The following CSGALNACT1 variants were observed in gnomAD, a reference collection of about 807,000 sequenced individuals.
CSGALNACT1 encodes the protein beta4GalNAcT-1.
Under a neutral mutation model 51.0 loss-of-function variants are expected in CSGALNACT1, and 52 were observed. The ratio of observed to expected loss-of-function variants is 1.02; its 90% CI spans 0.82 to 1.29. The LOEUF (loss-of-function observed/expected upper bound fraction) is 1.29, where lower values mean the gene tolerates loss of function less well. Ranked by LOEUF, CSGALNACT1 falls within the 50% of genes most tolerant of loss-of-function variation. The pLI is 0.00. For missense variants in CSGALNACT1, 935 were observed against 679.2 expected, an observed-to-expected ratio of 1.38 and a Z score of -4.19; for synonymous variants, 341 against 254.4, an observed-to-expected ratio of 1.34 and a Z score of -3.24.
chr8:19,406,763 C>T (rs1253804269), intron 9 of CSGALNACT1, among the ~76,000 whole-genome samples: 6 of 152,074 alleles, frequency 3.9e-5, no homozygotes, highest in Non-Finnish European at 7.4e-5. Context: ...AAACGAGGGG[C>T]TTGCAGTGCC....
chr8:19,667,044 AAAG>A (rs2059414793), intron 1 of CSGALNACT1, among the ~76,000 whole-genome samples: 2 of 56,948 alleles, frequency 3.5e-5, no homozygotes, highest in African/African-American at 1.2e-4. Context: ...AGGAAGGAAG[AAAG>A]AAAGAAAGAA....
intron 5 of CSGALNACT1, among the ~76,000 whole-genome samples, chr8:19,442,682 CA>C (rs1433531920): frequency 6.7e-6 from 1 of 148,256 alleles, no homozygotes; most frequent in Non-Finnish European, 1.5e-5. Flanking sequence ...AACAAACCTG[CA>C]CATTGTGCAC....
At chr8:19,458,889 C>T (rs1254846623) in intron 4 of CSGALNACT1, among the ~76,000 whole-genome samples, 1 of 152,084 alleles carries the variant, frequency 6.6e-6, no homozygotes, top group Admixed American at 6.5e-5. Context: ...ATGCTGGATA[C>T]AAACTGTATT....
At chr8:19,414,196 A>G (rs1197241974) in intron 8 of CSGALNACT1, among the ~76,000 whole-genome samples, 1 of 152,190 alleles carries the variant, frequency 6.6e-6, no homozygotes, top group Admixed American at 6.5e-5. Context: ...TTAAATATTT[A>G]CCAGCACATC....
chr8:19,506,176 C>T, intron 3 of CSGALNACT1, 46 bp from the exon 3 acceptor site: 1 of 512,748 alleles, frequency 2.0e-6, no homozygotes, highest in Middle Eastern at 5.7e-4. Flanking sequence ...AAGACAACGA[C>T]TCCCTCATGT....
chr8:19,449,627 A>G (rs996039685), intron 5 of CSGALNACT1, among the ~76,000 whole-genome samples: 1 of 152,228 alleles, frequency 6.6e-6, no homozygotes, highest in African/African-American at 2.4e-5. Flanking sequence ...GAGAACTGCT[A>G]TAGAAAATTC....
chr8:19,462,748 C>G (rs1458572941), intron 4 of CSGALNACT1, among the ~76,000 whole-genome samples: 1 of 152,168 alleles, frequency 6.6e-6, no homozygotes, highest in Non-Finnish European at 1.5e-5. Flanking sequence ...TTTCTCTATA[C>G]TCTGCTAATT....
intron 1 of CSGALNACT1, among the ~76,000 whole-genome samples, chr8:19,733,928 C>G (rs1409127117): frequency 6.6e-6 from 1 of 152,084 alleles, no homozygotes; most frequent in Non-Finnish European, 1.5e-5. Flanking sequence ...CCCAGGAGTG[C>G]AAGCCCAAAC....
upstream of CSGALNACT1, among the ~76,000 whole-genome samples, chr8:19,606,474 T>G (rs991608674): frequency 6.6e-6 from 1 of 152,218 alleles, no homozygotes; most frequent in Non-Finnish European, 1.5e-5. Context: ...ACAATATCCT[T>G]AACCACATTC....
chr8:19,689,324 C>G (rs781700139), intron 1 of CSGALNACT1, among the ~76,000 whole-genome samples: 2 of 152,152 alleles, frequency 1.3e-5, no homozygotes, highest in African/African-American at 2.4e-5. Flanking sequence ...GGAGAGGAAC[C>G]AGGACCCCGG....
intron 1 of CSGALNACT1, among the ~76,000 whole-genome samples, chr8:19,655,373 T>A (rs2058168482): frequency 6.6e-6 from 1 of 152,054 alleles, no homozygotes; most frequent in South Asian, 2.1e-4. Context: ...GTGTTATTTT[T>A]CTTTTGAGGT....
At chr8:19,523,799 A>G (rs1317029597) in intron 3 of CSGALNACT1, among the ~76,000 whole-genome samples, 1 of 152,198 alleles carries the variant, frequency 6.6e-6, no homozygotes, top group African/African-American at 2.4e-5. Context: ...TGGCAAGGAC[A>G]GTTCTAAAAA....
intron 4 of CSGALNACT1, among the ~76,000 whole-genome samples, chr8:19,501,699 G>A (rs1406256246): frequency 6.6e-6 from 1 of 152,240 alleles, no homozygotes; most frequent in Non-Finnish European, 1.5e-5. Flanking sequence ...TTGATGGGAT[G>A]ATGTCAAACT....
upstream of CSGALNACT1, chr8:19,682,687 G>A (rs1046342009): frequency 2.2e-6 from 1 of 454,076 alleles, no homozygotes; most frequent in Non-Finnish European, 4.4e-6. Context: ...CAAGTCTTGG[G>A]TTACTCACCT....
chr8:19,456,614 T>C (rs971060101), intron 5 of CSGALNACT1, among the ~76,000 whole-genome samples: 1 of 152,052 alleles, frequency 6.6e-6, no homozygotes, highest in African/African-American at 2.4e-5. Flanking sequence ...GCAAAAACAC[T>C]AAAAGAAGGT....
At chr8:19,745,886 A>T (rs150986086) in intron 1 of CSGALNACT1, among the ~76,000 whole-genome samples, 1 of 152,158 alleles carries the variant, frequency 6.6e-6, no homozygotes, top group South Asian at 2.1e-4. Flanking sequence ...ATAAGTACAC[A>T]TCGGAAAACA....
chr8:19,615,574 A>G (rs1470189610), intron 1 of CSGALNACT1, among the ~76,000 whole-genome samples: 2 of 152,268 alleles, frequency 1.3e-5, no homozygotes, highest in Non-Finnish European at 2.9e-5. Context: ...ATAGAGAATT[A>G]TAAGAAACAT....
chr8:19,431,475 G>A (rs572207313), intron 6 of CSGALNACT1, among the ~76,000 whole-genome samples: 6 of 151,562 alleles, frequency 4.0e-5, no homozygotes, highest in South Asian at 2.1e-4. Flanking sequence ...ATTGATTTTC[G>A]TATATTGAGC....
At chr8:19,419,689 T>G (rs11786847) in intron 7 of CSGALNACT1, among the ~76,000 whole-genome samples, 3 of 151,930 alleles carry the variant, frequency 2.0e-5, no homozygotes, top group African/African-American at 7.3e-5. Flanking sequence ...CCCACCTCGC[T>G]TTCTCCTGGG....
Sources: allele counts gnomAD v4.1 joint callset (sites outside exome capture counted in the v4.1 genomes callset), GRCh38; gene constraint gnomAD v4.1.1; transcripts MANE v1.5; gene names NCBI Gene and HGNC (gene_info 2026-07-23, HGNC 2026-07-21).